LRFN5: variants seen among roughly 807,000 people sequenced by gnomAD.
LRFN5 encodes leucine-rich repeat and fibronectin type-III domain-containing protein 5.
Under a neutral mutation model 45.6 loss-of-function variants are expected in LRFN5, and 24 were observed. The ratio of observed to expected loss-of-function variants is 0.53; its 90% CI spans 0.38 to 0.74. The LOEUF is 0.74. LRFN5 is among the 30% of genes least tolerant of loss of function. LRFN5 has a pLI of 0.00. For synonymous variants in LRFN5, 340 were observed against 313.8 expected (o/e 1.08, Z -0.88); for missense variants, 776 against 861.5 (o/e 0.90, Z 1.24).
intron 2 of LRFN5, among the ~76,000 whole-genome samples, chr14:41,817,670 T>C (rs966739629): frequency 2.6e-5 from 4 of 152,150 alleles, no homozygotes; most frequent in African/African-American, 9.6e-5. Flanking sequence ...CCAGATGCTC[T>C]GACACATTTC....
chr14:41,717,138 T>C (rs1016298739), intron 1 of LRFN5, among the ~76,000 whole-genome samples: 1 of 152,202 alleles, frequency 6.6e-6, no homozygotes, highest in Non-Finnish European at 1.5e-5. Flanking sequence ...TTTTAAGTTG[T>C]CCATGTTTAT....
rs1888915110 is a variant in LRFN5, at chr14:41,842,985, TTA to T, written c.-20-43617_-20-43616del. Among the ~76,000 whole-genome samples the T allele has an allele frequency of 2.6e-5, 4 of 152,202 alleles. No individual in the cohort carries two copies. The South Asian group carries it at 8.3e-4, about 32-fold the overall frequency. On this transcript the variant is annotated intron_variant, in intron 2 of 5. Transcript: ENST00000298119. The stretch of plus-strand genomic sequence containing the variant: ...TATTTAGTTAATTTATATCAATGTT[TTA>T]TATGTTATTCATATCATTTCTTTTT...
chr14:41,687,816 G>C lies in LRFN5; in HGVS notation c.-196-79038G>C, dbSNP rs151119188. Among the ~76,000 whole-genome samples, 1,490 of 152,158 alleles carry C rather than the reference G, an allele frequency of 9.8e-3. 7 individuals carry two copies. Among genetic ancestry groups the C allele is most frequent in the East Asian group, 0.02 (101 of 5,168 alleles). ...GAACAACACAGTCTATGGCCTGCTGGGGGTTGGGGTTTGAACAGAGGGAAC... is the reference window on the plus strand; with the variant it reads ...GAACAACACAGTCTATGGCCTGCTGCGGGTTGGGGTTTGAACAGAGGGAAC... On this transcript the variant is annotated intron_variant, in intron 1 of 5. Coordinates refer to ENST00000298119, the MANE Select transcript of LRFN5 (RefSeq NM_152447.5).
chr14:41,740,655 C>T (rs1884650890), intron 1 of LRFN5, among the ~76,000 whole-genome samples: 1 of 151,768 alleles, frequency 6.6e-6, no homozygotes, highest in African/African-American at 2.4e-5. Flanking sequence ...GAAAAGGATG[C>T]TCACTGTCAT....
chr14:41,832,905 GA>G (rs1214296747), intron 2 of LRFN5, among the ~76,000 whole-genome samples: 2 of 152,100 alleles, frequency 1.3e-5, no homozygotes, highest in East Asian at 3.9e-4. Flanking sequence ...AGTTTTAACA[GA>G]AACATTGTGG....
Position 41,891,684 on chromosome 14 carries a change from G to A in LRFN5, c.1820G>A (p.Ser607Asn). 1.9e-6 allele frequency: 3 copies of A among 1,614,220 alleles called. No homozygotes were observed. The highest frequency in any genetic ancestry group is 2.5e-6 in the Non-Finnish European group (3 of 1,180,036). Reference sequence around the variant, plus strand: ...AATGCCCAGTGTTGTAAAGCTACCAGTGACAATGTGATTCAATCTTCAGAA... The same window carrying A: ...AATGCCCAGTGTTGTAAAGCTACCAATGACAATGTGATTCAATCTTCAGAA... Reference protein sequence around the residue: ...EENAQCCKATSDNVIQSSETC... With the variant: ...EENAQCCKATNDNVIQSSETC... Residue 607 changes from serine to asparagine, a missense_variant, in exon 4 of 6, where the codon AGT becomes AAT. Physicochemically the swap from Ser to Asn is conservative, Grantham distance 46. Coordinates refer to ENST00000298119, the MANE Select transcript of LRFN5 (RefSeq NM_152447.5).
chr14:41,892,671 G>A (rs1225766047), intron 4 of LRFN5: 1 of 984,880 alleles, frequency 1.0e-6, no homozygotes, highest in Non-Finnish European at 1.2e-6. Flanking sequence ...CCGAGTTAAT[G>A]TTAAAATTAG....
rs1407590698 is a variant in LRFN5 at position 41,608,414 on chromosome 14, C to G, written c.-345C>G. On this transcript the variant is annotated 5_prime_UTR_variant, in exon 1 of 6. Coordinates refer to ENST00000298119, the MANE Select transcript of LRFN5 (RefSeq NM_152447.5). ...CAGGAGCCGCCTTTCCGATTCCCTA[C>G]GATGCGGGTGCTGAGCTATGGCAAA... 6.5e-6 allele frequency: 1 copy of G among 152,694 alleles called. No homozygotes were observed. The highest frequency in any genetic ancestry group is 1.5e-5 in the Non-Finnish European group (1 of 68,106). The allele number at this position is 152,694 out of a possible 1,614,324, so 9.5% of individuals were successfully genotyped here.
chr14:41,893,762 A>T (rs944069758), intron 4 of LRFN5: 1 of 985,350 alleles, frequency 1.0e-6, no homozygotes, highest in African/African-American at 1.7e-5. Flanking sequence ...GAAAATAATT[A>T]TCCAATGGGC....
chr14:41,845,158 T>C (rs1053034267), intron 2 of LRFN5, among the ~76,000 whole-genome samples: 1 of 136,044 alleles, frequency 7.4e-6, no homozygotes, highest in Non-Finnish European at 1.6e-5. Flanking sequence ...AGATAATAAA[T>C]ATTTTAATCC....
At chr14:41,723,166 A>C (rs1313341646) in intron 1 of LRFN5, among the ~76,000 whole-genome samples, 2 of 152,008 alleles carry the variant, frequency 1.3e-5, no homozygotes, top group Non-Finnish European at 2.9e-5. Context: ...AGGCTGCTGA[A>C]CCAGGCAAGC....
intron 2 of LRFN5, among the ~76,000 whole-genome samples, chr14:41,831,029 C>T (rs1172682728): frequency 1.3e-5 from 2 of 152,208 alleles, no homozygotes; most frequent in Non-Finnish European, 2.9e-5. Flanking sequence ...CAACTTTATA[C>T]AGTCTATCAC....
intron 1 of LRFN5, among the ~76,000 whole-genome samples, chr14:41,650,197 C>G (rs1284679351): frequency 6.7e-6 from 1 of 148,332 alleles, no homozygotes; most frequent in East Asian, 2.1e-4. Context: ...TGTTCAAGAC[C>G]AGCCTGGCCA....
intron 4 of LRFN5, among the ~76,000 whole-genome samples, chr14:41,896,084 G>A (rs919246112): frequency 6.6e-6 from 1 of 151,936 alleles, no homozygotes; most frequent in Non-Finnish European, 1.5e-5. Flanking sequence ...TTTAAAAGTT[G>A]CCCTAAAATT....
At chr14:41,704,285 C>T (rs918330859) in intron 1 of LRFN5, among the ~76,000 whole-genome samples, 2 of 152,036 alleles carry the variant, frequency 1.3e-5, no homozygotes, top group Non-Finnish European at 2.9e-5. Flanking sequence ...CACGTGATTT[C>T]CCTTTCTCTC....
chr14:41,800,025 T>C (rs946098163), intron 2 of LRFN5, among the ~76,000 whole-genome samples: 1 of 151,978 alleles, frequency 6.6e-6, no homozygotes, highest in Non-Finnish European at 1.5e-5. Flanking sequence ...GGTAAGATAA[T>C]GGACTAAGTA....
chr14:41,768,031 C>G (rs533613790), intron 2 of LRFN5, among the ~76,000 whole-genome samples: 2 of 152,030 alleles, frequency 1.3e-5, no homozygotes, highest in East Asian at 3.9e-4. Context: ...TTATATAGAA[C>G]AAAAGTTTGA....
rs569796267 is a variant in LRFN5 at position 41,844,991 on chromosome 14, ATAAG to A, written c.-20-41612_-20-41609del. On this transcript the variant is annotated intron_variant, in intron 2 of 5. Coordinates refer to ENST00000298119, the MANE Select transcript of LRFN5 (RefSeq NM_152447.5). ...TGGCTTCATGGAGGCCAATTTATAA[ATAAG>A]TATCAAATATAGAAACATGATCGTA... Among the ~76,000 whole-genome samples the A allele has an allele frequency of 2.2e-4, 33 of 152,288 alleles. No homozygotes were observed. The East Asian group carries it at 5.2e-3, about 24-fold the overall frequency.
intron 1 of LRFN5, among the ~76,000 whole-genome samples, chr14:41,644,892 T>C (rs1305661691): frequency 6.6e-6 from 1 of 152,144 alleles, no homozygotes; most frequent in Non-Finnish European, 1.5e-5. Context: ...TGGGAATAAA[T>C]TTCAGGGATC....
Sources: gnomAD v4.1 joint callset for allele counts (sites outside exome capture counted in the v4.1 genomes callset) on GRCh38, gnomAD v4.1.1 for gene constraint, MANE v1.5 for transcripts, NCBI Gene and HGNC (gene_info 2026-07-23, HGNC 2026-07-21) for gene names.